BRINP3: variants seen among roughly 807,000 people sequenced by gnomAD.
BRINP3 encodes BMP/retinoic acid-inducible neural-specific protein 3.
BRINP3 carries 19 observed loss-of-function variants against 71.0 expected under a neutral mutation model. The ratio of observed to expected loss-of-function variants is 0.27; its 90% CI spans 0.19 to 0.39. The LOEUF (loss-of-function observed/expected upper bound fraction) is 0.39. Ranked by LOEUF, BRINP3 falls within the 10% of genes least tolerant of loss-of-function variation. The pLI is 1.00. For synonymous variants in BRINP3, 380 were observed against 337.7 expected (o/e 1.13, Z -1.37); for missense variants, 959 against 940.8 (o/e 1.02, Z -0.25).
At chr1:190,124,401 T>G (rs1356099444) in intron 7 of BRINP3, among the ~76,000 whole-genome samples, 1 of 152,122 alleles carries the variant, frequency 6.6e-6, no homozygotes, top group Non-Finnish European at 1.5e-5. Context: ...ACTCTGTTAA[T>G]AGCAGCACAA....
At chr1:190,119,406 G>A (rs925206572) in intron 7 of BRINP3, among the ~76,000 whole-genome samples, 1 of 152,036 alleles carries the variant, frequency 6.6e-6, no homozygotes, top group East Asian at 1.9e-4. Context: ...CCTCCTGAAA[G>A]CTGGGATTAC....
At chr1:190,410,032 T>C (rs1422969362) in intron 2 of BRINP3, among the ~76,000 whole-genome samples, 1 of 152,204 alleles carries the variant, frequency 6.6e-6, no homozygotes, top group Non-Finnish European at 1.5e-5. Context: ...TCTTCTTTTA[T>C]TTCCCTTCCT....
chr1:190,459,694 T>C (rs1280428459), intron 1 of BRINP3, among the ~76,000 whole-genome samples: 2 of 152,040 alleles, frequency 1.3e-5, no homozygotes, highest in African/African-American at 4.8e-5. Flanking sequence ...GTATTTGCAT[T>C]TGGACTGATT....
At chr1:190,357,752 C>A (rs1195021397) in intron 2 of BRINP3, among the ~76,000 whole-genome samples, 2 of 151,832 alleles carry the variant, frequency 1.3e-5, no homozygotes, top group Non-Finnish European at 2.9e-5. Context: ...CTATAAATTA[C>A]CTTGGGCAGT....
chr1:190,139,796 T>C (rs1400348824), intron 7 of BRINP3, among the ~76,000 whole-genome samples: 1 of 152,184 alleles, frequency 6.6e-6, no homozygotes, highest in East Asian at 1.9e-4. Context: ...CAACATTTAG[T>C]GTTACCTTTC....
chr1:190,251,612 A>G (rs1660148531), intron 4 of BRINP3, among the ~76,000 whole-genome samples: 1 of 151,952 alleles, frequency 6.6e-6, no homozygotes, highest in Non-Finnish European at 1.5e-5. Flanking sequence ...ACTTCTGTCA[A>G]ACACTTAACT....
At chr1:190,124,422 G>T (rs1653927043) in intron 7 of BRINP3, among the ~76,000 whole-genome samples, 1 of 152,046 alleles carries the variant, frequency 6.6e-6, no homozygotes, top group Non-Finnish European at 1.5e-5. Context: ...AACAGACTAA[G>T]ACAACTTATA....
At chr1:190,470,767 A>C (rs1677084077) in intron 1 of BRINP3, among the ~76,000 whole-genome samples, 1 of 151,090 alleles carries the variant, frequency 6.6e-6, no homozygotes. Context: ...GAACACAAAC[A>C]TGTATTTCAT....
chr1:190,402,131 A>G (rs2102362010), intron 2 of BRINP3, among the ~76,000 whole-genome samples: 1 of 152,246 alleles, frequency 6.6e-6, no homozygotes, highest in East Asian at 1.9e-4. Flanking sequence ...ATAAATCCAC[A>G]GAAAACATTG....
At chr1:190,265,588 C>G (rs1357833267) in intron 3 of BRINP3, among the ~76,000 whole-genome samples, 1 of 149,400 alleles carries the variant, frequency 6.7e-6, no homozygotes, top group East Asian at 2.0e-4. Context: ...GTGGCGGGCG[C>G]CAGTAGTTCC....
chr1:190,148,959 C>T (rs1656153014), intron 7 of BRINP3, among the ~76,000 whole-genome samples: 2 of 152,128 alleles, frequency 1.3e-5, no homozygotes, highest in South Asian at 4.1e-4. Flanking sequence ...ACCTCTATAG[C>T]CAGATTGCCT....
chr1:190,119,390 C>T (rs1653434169), intron 7 of BRINP3, among the ~76,000 whole-genome samples: 1 of 152,072 alleles, frequency 6.6e-6, no homozygotes, highest in Non-Finnish European at 1.5e-5. Flanking sequence ...TATTCTCCTG[C>T]CTCAGCCTCC....
At chr1:190,284,733 C>T (rs1382664250) in intron 2 of BRINP3, among the ~76,000 whole-genome samples, 2 of 151,932 alleles carry the variant, frequency 1.3e-5, no homozygotes, top group African/African-American at 4.8e-5. Flanking sequence ...CACTTTGACA[C>T]CCCATCTATT....
chr1:190,131,836 T>C (rs1329716028), intron 7 of BRINP3, among the ~76,000 whole-genome samples: 2 of 152,068 alleles, frequency 1.3e-5, no homozygotes, highest in Non-Finnish European at 2.9e-5. Flanking sequence ...CTATAACAGA[T>C]ACCAGACATT....
At chr1:190,231,121 T>G (rs571952710) in intron 5 of BRINP3, among the ~76,000 whole-genome samples, 2 of 151,894 alleles carry the variant, frequency 1.3e-5, no homozygotes, top group South Asian at 4.1e-4. Context: ...AGAAATATTT[T>G]TTTAAAGCAA....
chr1:190,344,440 A>C (rs1263288872), intron 2 of BRINP3, among the ~76,000 whole-genome samples: 1 of 146,838 alleles, frequency 6.8e-6, no homozygotes, highest in Non-Finnish European at 1.5e-5. Flanking sequence ...CATCAACAAC[A>C]GTACCCTCTC....
intron 2 of BRINP3, among the ~76,000 whole-genome samples, chr1:190,414,083 G>A (rs1279186590): frequency 1.3e-5 from 2 of 151,870 alleles, no homozygotes; most frequent in African/African-American, 2.4e-5. Context: ...ACCCTACCTG[G>A]CCTGATTTAT....
At position 190,443,222 on chromosome 1, in the gene BRINP3, G is replaced by T. The variant is rs576291607; in HGVS notation, c.236+11433C>A. On this transcript the variant is annotated intron_variant, in intron 2 of 7. Coordinates refer to ENST00000367462, the MANE Select transcript of BRINP3 (RefSeq NM_199051.3). ...CCAGCCTTCTGTATCTTGACTAAAA[G>T]AAAATATTCAGTCTCTACTAAAAAT... 4.1e-4 allele frequency among the ~76,000 whole-genome samples: 63 copies of T among 152,012 alleles called. 1 individual carries two copies. Among genetic ancestry groups the T allele is most frequent in the African/African-American group, 1.3e-3 (56 of 41,532 alleles).
chr1:190,172,930 C>G (rs181834358), intron 6 of BRINP3, among the ~76,000 whole-genome samples: 5 of 152,140 alleles, frequency 3.3e-5, no homozygotes, highest in African/African-American at 7.2e-5. Context: ...TGCAACCTCT[C>G]GGACCTGTCT....
Sources: allele counts gnomAD v4.1 joint callset (sites outside exome capture counted in the v4.1 genomes callset), GRCh38; gene constraint gnomAD v4.1.1; transcripts MANE v1.5; gene names NCBI Gene and HGNC (gene_info 2026-07-23, HGNC 2026-07-21).